FUT8: variants seen among roughly 807,000 people sequenced by gnomAD.
FUT8 encodes the protein fucosyltransferase 8, also known as alpha-(1,6)-fucosyltransferase.
In FUT8, 29 loss-of-function variants were observed where a neutral mutation model predicts 71.3. The ratio of observed to expected loss-of-function variants is 0.41; its 90% CI spans 0.30 to 0.55. The LOEUF (loss-of-function observed/expected upper bound fraction) is 0.55. FUT8 is among the 20% of genes least tolerant of loss of function. The probability of loss-of-function intolerance (pLI) is 0.34; values close to 1 mark genes in which losing one functional copy is unlikely to be tolerated. For synonymous variants in FUT8, 254 were observed against 239.3 expected (o/e 1.06, Z -0.57); for missense variants, 544 against 702.1 (o/e 0.77, Z 2.55).
At chr14:65,676,440 A>C (rs1179863632) in intron 7 of FUT8, among the ~76,000 whole-genome samples, 1 of 152,240 alleles carries the variant, frequency 6.6e-6, no homozygotes, top group Non-Finnish European at 1.5e-5. Flanking sequence ...GTGTTTTTAT[A>C]AATACTGATA....
chr14:65,365,300 T>G, the FUT8 span, among the ~76,000 whole-genome samples: 1 of 150,446 alleles, frequency 6.6e-6, no homozygotes, highest in Non-Finnish European at 1.5e-5. Context: ...AGGGGCATGA[T>G]TCCCCTCCTG....
chr14:65,364,652 G>A, the FUT8 span, among the ~76,000 whole-genome samples: 1 of 152,156 alleles, frequency 6.6e-6, no homozygotes, highest in Non-Finnish European at 1.5e-5. Context: ...AGGGATGAAA[G>A]CCTCAAGAAC....
chr14:65,379,409 G>A, the FUT8 span, among the ~76,000 whole-genome samples: 1 of 151,868 alleles, frequency 6.6e-6, no homozygotes, highest in Non-Finnish European at 1.5e-5. Context: ...TGCACACCGT[G>A]GTCCCAGCTA....
chr14:65,737,890 G>GA (rs1353083015), intron 10 of FUT8, among the ~76,000 whole-genome samples: 1 of 151,968 alleles, frequency 6.6e-6, no homozygotes, highest in East Asian at 1.9e-4. Flanking sequence ...CTTTGAATCA[G>GA]ATTTTGGAAG....
intron 3 of FUT8, among the ~76,000 whole-genome samples, chr14:65,609,134 A>C (rs1888740413): frequency 6.6e-6 from 1 of 151,812 alleles, no homozygotes; most frequent in Admixed American, 6.6e-5. Flanking sequence ...GTCTCTACTA[A>C]AAATATAAAA....
intron 1 of FUT8, among the ~76,000 whole-genome samples, chr14:65,435,549 G>T (rs2065542288): frequency 6.6e-6 from 1 of 152,172 alleles, no homozygotes; most frequent in Admixed American, 6.5e-5. Context: ...TGGCAATTAT[G>T]AATAAAACTG....
rs138141022 is a variant in FUT8 at position 65,555,937 on chromosome 14, T to C, written c.-227-5400T>C. Among the ~76,000 whole-genome samples, 1,054 of 152,256 alleles carry C rather than the reference T, an allele frequency of 6.9e-3. 11 individuals are homozygous for C. The highest frequency in any genetic ancestry group is 0.024 in the African/African-American group (1,002 of 41,542). On this transcript the variant is annotated intron_variant, in intron 2 of 10. Coordinates refer to ENST00000673929, the MANE Select transcript of FUT8 (RefSeq NM_001371533.1). ...TCTCTTATTTGCTGTAAATTGAGTT[T>C]TGTTTTATGGTATGTATAAGAGGTA...
intron 2 of FUT8, among the ~76,000 whole-genome samples, chr14:65,542,478 C>G (rs1232933827): frequency 6.6e-6 from 1 of 152,126 alleles, no homozygotes; most frequent in Admixed American, 6.6e-5. Flanking sequence ...TTATTTGTTT[C>G]CCTTATTTTG....
chr14:65,654,148 A>G (rs1012976987), intron 6 of FUT8, among the ~76,000 whole-genome samples: 3 of 152,178 alleles, frequency 2.0e-5, no homozygotes, highest in African/African-American at 7.2e-5. Flanking sequence ...TATGAAGGTG[A>G]TTTTTAAAAC....
intron 1 of FUT8, among the ~76,000 whole-genome samples, chr14:65,435,144 A>T (rs1381982196): frequency 3.9e-5 from 6 of 152,220 alleles, no homozygotes; most frequent in Admixed American, 1.3e-4. Flanking sequence ...CCCTTATGTA[A>T]AATGACCTAG....
At chr14:65,543,307 G>T (rs1410101580) in intron 2 of FUT8, among the ~76,000 whole-genome samples, 2 of 151,984 alleles carry the variant, frequency 1.3e-5, no homozygotes, top group East Asian at 1.9e-4. Context: ...TTCTTATAAG[G>T]CCTGATTTAA....
intron 2 of FUT8, among the ~76,000 whole-genome samples, chr14:65,469,725 C>G (rs560058504): frequency 6.6e-6 from 1 of 152,244 alleles, no homozygotes; most frequent in East Asian, 1.9e-4. Flanking sequence ...CAGGCAGGTC[C>G]CCATTGACTT....
Position 65,721,896 on chromosome 14 carries a change from G to A in FUT8, c.957G>A (p.Val319=), listed in dbSNP as rs750078645. The A allele has an allele frequency of 6.8e-6, 11 of 1,614,084 alleles. No individual in the cohort carries two copies. Among genetic ancestry groups the A allele is most frequent in the Non-Finnish European group, 8.5e-6 (10 of 1,180,034 alleles). ...ACCTCGCAGATCGACTTGTACGAGTGCATGGTGACCCTGCAGTGTGGTGGG... is the reference window on the plus strand; with the variant it reads ...ACCTCGCAGATCGACTTGTACGAGTACATGGTGACCCTGCAGTGTGGTGGG... The part of the protein sequence containing the change: ...PEDLADRLVR[V]HGDPAVWWVS... The change falls in exon 8 of 11, where the codon GTG becomes GTA. Residue 319 remains valine (V), a synonymous_variant. Transcript: ENST00000673929.
intron 2 of FUT8, among the ~76,000 whole-genome samples, chr14:65,531,675 C>T (rs1376628978): frequency 3.9e-5 from 6 of 152,104 alleles, no homozygotes; most frequent in African/African-American, 1.2e-4. Flanking sequence ...TATACGTAAA[C>T]TTGTGTTATG....
At chr14:65,360,124 C>T in the FUT8 span, among the ~76,000 whole-genome samples, 1 of 152,344 alleles carries the variant, frequency 6.6e-6, no homozygotes, top group East Asian at 1.9e-4. Context: ...AGCCACTGCA[C>T]CTGGCCAGGC....
At chr14:65,358,329 A>G in the FUT8 span, among the ~76,000 whole-genome samples, 1 of 152,212 alleles carries the variant, frequency 6.6e-6, no homozygotes, top group African/African-American at 2.4e-5. Context: ...TGTGTGAATT[A>G]TAAATAAATT....
chr14:65,518,311 A>G (rs1882846131), intron 2 of FUT8, among the ~76,000 whole-genome samples: 1 of 152,158 alleles, frequency 6.6e-6, no homozygotes, highest in South Asian at 2.1e-4. Flanking sequence ...CTAAAAGGTA[A>G]TACTGTAGTA....
At chr14:65,520,577 C>T (rs1883013952) in intron 2 of FUT8, among the ~76,000 whole-genome samples, 1 of 151,936 alleles carries the variant, frequency 6.6e-6, no homozygotes, top group Non-Finnish European at 1.5e-5. Flanking sequence ...ATAGTTTGCT[C>T]ATAACAAACT....
At chr14:65,432,482 C>A in intron 1 of FUT8, among the ~76,000 whole-genome samples, 1 of 151,076 alleles carries the variant, frequency 6.6e-6, no homozygotes, top group South Asian at 2.1e-4. Context: ...CAGATTCATT[C>A]GCTTGTCAAA....
Sources: gnomAD v4.1 joint callset for allele counts (sites outside exome capture counted in the v4.1 genomes callset) on GRCh38, gnomAD v4.1.1 for gene constraint, MANE v1.5 for transcripts, NCBI Gene and HGNC (gene_info 2026-07-23, HGNC 2026-07-21) for gene names.